TYW5: variants seen among roughly 807,000 people sequenced by gnomAD.
The protein encoded by TYW5 is tRNA-yW synthesizing protein 5.
Under a neutral mutation model 44.4 loss-of-function variants are expected in TYW5, and 36 were observed. The ratio of observed to expected loss-of-function variants is 0.81; its 90% CI spans 0.62 to 1.07. TYW5 has a LOEUF of 1.07. Among genes scored for constraint, TYW5 ranks in the 50% least tolerant of loss-of-function variants. The probability of loss-of-function intolerance (pLI) is 0.00; values close to 1 mark genes in which losing one functional copy is unlikely to be tolerated. For missense variants in TYW5, 354 were observed against 365.7 expected (o/e 0.97, Z 0.26); for synonymous variants, 121 against 128.1 (o/e 0.94, Z 0.37).
intron 1 of TYW5, among the ~76,000 whole-genome samples, chr2:199,950,365 GAAGTA>G (rs1349871277): frequency 1.3e-5 from 2 of 152,104 alleles, no homozygotes; most frequent in Admixed American, 6.6e-5. Flanking sequence ...GAATTCACAA[GAAGTA>G]AAGAATTCAC....
Position 199,936,275 on chromosome 2 carries a change from T to A in TYW5, c.574+130A>T, listed in dbSNP as rs1049230320. On this transcript the variant is annotated intron_variant, in intron 6 of 7. Transcript: ENST00000354611. ...AAGATAATTTCAAATTTGAACCTGT[T>A]ATTACATATATACACAAATACAATT... 9.2e-5 allele frequency: 74 copies of A among 803,878 alleles called. No homozygotes were observed. Among genetic ancestry groups the A allele is most frequent in the Non-Finnish European group, 1.4e-4 (70 of 509,406 alleles). 49.8% of individuals were successfully genotyped at this position (803,878 alleles called of 1,614,324 possible). A position where few individuals can be genotyped will look rare whatever the true frequency, so the allele number is the denominator to read the frequency against.
intron 3 of TYW5, chr2:199,943,334 GA>G (rs1474407654): frequency 1.3e-5 from 2 of 153,832 alleles, no homozygotes; most frequent in African/African-American, 4.8e-5. Flanking sequence ...CAAGAATACA[GA>G]AACAGTCTAA....
chr2:199,951,608 C>A (rs1305478302), intron 1 of TYW5, among the ~76,000 whole-genome samples: 1 of 152,144 alleles, frequency 6.6e-6, no homozygotes, highest in Admixed American at 6.5e-5. Flanking sequence ...TTGGCTTATT[C>A]CTTTCTTTTT....
chr2:199,939,135 G>A, intron 4 of TYW5, 65 bp from the exon 5 acceptor site: 1 of 1,452,786 alleles, frequency 6.9e-7, no homozygotes, highest in Non-Finnish European at 9.2e-7. Context: ...GGAAGACTGG[G>A]GCAAAACTTT....
chr2:199,947,418 C>A (rs2077511510), intron 2 of TYW5: 1 of 152,196 alleles, frequency 6.6e-6, no homozygotes. Flanking sequence ...CATCTTTAGA[C>A]AATCAGCAGC....
intron 5 of TYW5, 79 bp from the exon 6 acceptor site, chr2:199,936,571 C>A: frequency 8.6e-7 from 1 of 1,160,136 alleles, no homozygotes; most frequent in Admixed American, 1.9e-5. Flanking sequence ...TAAACTTTAA[C>A]TGCAAACCCG....
rs185087518 is a variant in TYW5 at position 199,939,212 on chromosome 2, C to G, written c.349-142G>C. On this transcript the variant is annotated intron_variant, in intron 4 of 7. Coordinates refer to ENST00000354611, the MANE Select transcript of TYW5 (RefSeq NM_001039693.3). ...ACATGATCTCTCTCTCTCTATCTTT[C>G]TCTCTCTCTCTCCCCCAAGTAGCTG... 1.4e-4 allele frequency: 78 copies of G among 572,308 alleles called. No individual in the cohort carries two copies. In the African/African-American group the frequency reaches 1.4e-3, roughly 10 times the overall value. The allele number at this position is 572,308 out of a possible 1,614,324, so 35.5% of individuals were successfully genotyped here. A position where few individuals can be genotyped will look rare whatever the true frequency, so the allele number is the denominator to read the frequency against.
chr2:199,935,906 C>A (rs759730234), intron 7 of TYW5, 25 bp downstream of exon 7: 3 of 1,440,672 alleles, frequency 2.1e-6, no homozygotes, highest in Non-Finnish European at 2.9e-6. Flanking sequence ...ATAAATAGCA[C>A]ATTAGTGAGG....
intron 1 of TYW5, among the ~76,000 whole-genome samples, chr2:199,951,288 T>C (rs1433290125): frequency 6.6e-6 from 1 of 152,186 alleles, no homozygotes; most frequent in Non-Finnish European, 1.5e-5. Flanking sequence ...CTGTACTAAC[T>C]AGAATTCAGT....
chr2:199,949,210 T>A (rs1335632398), intron 1 of TYW5, among the ~76,000 whole-genome samples: 1 of 150,798 alleles, frequency 6.6e-6, no homozygotes, highest in African/African-American at 2.4e-5. Flanking sequence ...AAAAAAAAAA[T>A]AAGAAAAAGA....
At chr2:199,950,335 T>TAATG (rs1166618018) in intron 1 of TYW5, among the ~76,000 whole-genome samples, 1 of 152,206 alleles carries the variant, frequency 6.6e-6, no homozygotes, top group Non-Finnish European at 1.5e-5. Context: ...CCTCAATGTT[T>TAATG]AATGACTTGC....
chr2:199,937,854 C>T (rs1215716680), intron 5 of TYW5, among the ~76,000 whole-genome samples: 1 of 152,118 alleles, frequency 6.6e-6, no homozygotes, highest in African/African-American at 2.4e-5. Flanking sequence ...AACTGAATTA[C>T]AAAACACATG....
intron 3 of TYW5, among the ~76,000 whole-genome samples, chr2:199,940,907 T>C (rs902932190): frequency 1.3e-4 from 20 of 152,314 alleles, no homozygotes; most frequent in African/African-American, 4.1e-4. Flanking sequence ...TTTTTTAAAC[T>C]TGAGAACACT....
chr2:199,941,740 G>GA (rs1212641047), intron 3 of TYW5, among the ~76,000 whole-genome samples: 1 of 152,172 alleles, frequency 6.6e-6, no homozygotes, highest in Non-Finnish European at 1.5e-5. Context: ...ATTCCTTCAA[G>GA]AAAGAACTCA....
At chr2:199,954,080 C>T (rs1357026600) in intron 1 of TYW5, among the ~76,000 whole-genome samples, 1 of 143,506 alleles carries the variant, frequency 7.0e-6, no homozygotes, top group Non-Finnish European at 1.5e-5. Flanking sequence ...AGAAAAACTT[C>T]ATTCCTCCCG....
chr2:199,938,873 G>C, intron 5 of TYW5, 60 bp downstream of exon 5: 1 of 1,498,300 alleles, frequency 6.7e-7, no homozygotes, highest in Non-Finnish European at 8.9e-7. Context: ...AACTGTGACT[G>C]TTAAATCTAT....
intron 1 of TYW5, among the ~76,000 whole-genome samples, chr2:199,954,479 T>C (rs1014556165): frequency 6.6e-6 from 1 of 152,064 alleles, no homozygotes; most frequent in Non-Finnish European, 1.5e-5. Flanking sequence ...TTGCCCAGGC[T>C]GGAGTGCAGT....
At chr2:199,955,074 G>A (rs548855089) in intron 1 of TYW5, among the ~76,000 whole-genome samples, 13 of 152,278 alleles carry the variant, frequency 8.5e-5, no homozygotes, top group Admixed American at 2.6e-4. Context: ...GTGAAAAGTT[G>A]TGCCTTCAAA....
At chr2:199,940,652 T>C (rs978508314) in intron 3 of TYW5, among the ~76,000 whole-genome samples, 1 of 152,112 alleles carries the variant, frequency 6.6e-6, no homozygotes, top group Non-Finnish European at 1.5e-5. Context: ...TTACCCTTTC[T>C]ACTAATGCTC....
Sources: gnomAD v4.1 joint callset for allele counts (sites outside exome capture counted in the v4.1 genomes callset) on GRCh38, gnomAD v4.1.1 for gene constraint, MANE v1.5 for transcripts, NCBI Gene and HGNC (gene_info 2026-07-23, HGNC 2026-07-21) for gene names.